The following AKAP13 variants were observed in gnomAD, a reference collection of about 807,000 sequenced individuals.
AKAP13 encodes A-kinase anchor protein 13.
In AKAP13, 80 loss-of-function variants were observed where a neutral mutation model predicts 264.5. The observed-to-expected ratio is 0.30, with a 90% CI of 0.25 to 0.36. The LOEUF is 0.36. Ranked by LOEUF, AKAP13 falls within the 10% of genes least tolerant of loss-of-function variation. The pLI, the probability that AKAP13 is intolerant of heterozygous loss-of-function variation, is 1.00. For missense variants in AKAP13, 3,712 were observed against 3,435.2 expected, an observed-to-expected ratio of 1.08 and a Z score of -2.01; for synonymous variants, 1,380 against 1,250.2, an observed-to-expected ratio of 1.10 and a Z score of -2.19.
chr15:85,749,093 G>C lies in AKAP13; in HGVS notation c.*4416G>C, dbSNP rs8110. 0.56 allele frequency: 84,687 copies of C among 152,188 alleles called. 24,862 individuals carry two copies. The highest frequency in any genetic ancestry group is 0.94 in the East Asian group (4,884 of 5,176). 9.4% of individuals were successfully genotyped at this position (152,188 alleles called of 1,614,324 possible). ...ATACCTCTGCTCTCATTGCTTGTTT[G>C]CAAATGCTCTATGGACATTTGTGTG... On this transcript the variant is annotated 3_prime_UTR_variant, in exon 37 of 37. Coordinates refer to ENST00000394518, the MANE Select transcript of AKAP13 (RefSeq NM_007200.5).
At chr15:85,554,004 C>T (rs773201757) in intron 5 of AKAP13, among the ~76,000 whole-genome samples, 43 of 152,164 alleles carry the variant, frequency 2.8e-4, no homozygotes, top group Middle Eastern at 6.8e-3. Context: ...GTCCTTGGTG[C>T]GAAAAATGCT....
chr15:85,555,401 G>C, intron 5 of AKAP13: 1 of 1,286,154 alleles, frequency 7.8e-7, no homozygotes, highest in South Asian at 1.2e-5. Flanking sequence ...GGGGTAACCA[G>C]GCTGCTTTCC....
intron 8 of AKAP13, among the ~76,000 whole-genome samples, chr15:85,593,459 C>G (rs954601500): frequency 1.3e-5 from 2 of 151,558 alleles, no homozygotes; most frequent in African/African-American, 4.8e-5. Flanking sequence ...ATCTTGAACT[C>G]CTGGGCACAA....
rs181607215 is a variant in AKAP13 at position 85,741,100 on chromosome 15, G to A, written c.7663G>A (p.Glu2555Lys). Reference protein sequence around the residue: ...YIEDQKLVLSERALTRSLSRP... With the variant: ...YIEDQKLVLSKRALTRSLSRP... ...TGAGGACCAGAAACTGGTGCTGAGC[G>A]AGAGGGCGCTCACTCGCAGCTTGTC... The change falls in exon 35 of 37, where the codon GAG becomes AAG. Residue 2555 changes from glutamate to lysine, a missense_variant. Physicochemically the swap from Glu to Lys is moderately conservative, Grantham distance 56. This residue lies in a region of AKAP13 where 611 missense variants were observed against 539.3 expected (regional missense o/e 1.13). Coordinates refer to ENST00000394518, the MANE Select transcript of AKAP13 (RefSeq NM_007200.5). The A allele has an allele frequency of 2.5e-6, 4 of 1,613,596 alleles. No homozygotes were observed. The highest frequency in any genetic ancestry group is 2.2e-5 in the East Asian group (1 of 44,856).
intron 1 of AKAP13, among the ~76,000 whole-genome samples, chr15:85,393,724 T>C (rs1003602083): frequency 2.0e-5 from 3 of 152,244 alleles, no homozygotes; most frequent in African/African-American, 7.2e-5. Context: ...TTAAGTTTGC[T>C]TCTCTCAAGT....
chr15:85,509,821 C>G (rs2076359218), intron 2 of AKAP13, among the ~76,000 whole-genome samples: 1 of 152,174 alleles, frequency 6.6e-6, no homozygotes, highest in African/African-American at 2.4e-5. Context: ...GTCATTATAT[C>G]CAGTGTTTAG....
chr15:85,723,042 T>TA (rs925610785), intron 25 of AKAP13, 30 bp from the exon 26 acceptor site: 5 of 1,601,660 alleles, frequency 3.1e-6, no homozygotes, highest in East Asian at 4.5e-5. Context: ...AAAAGAGCCA[T>TA]AAAAAACAGA....
chr15:85,730,519 T>C lies in AKAP13; in HGVS notation c.7094T>C (p.Leu2365Pro), dbSNP rs111427387. The C allele has an allele frequency of 6.2e-7, 1 of 1,613,716 alleles. No homozygotes were observed. Among genetic ancestry groups the C allele is most frequent in the Non-Finnish European group, 8.5e-7 (1 of 1,179,748 alleles). Residue 2365 changes from leucine to proline, a missense_variant, in exon 30 of 37, where the codon CTT becomes CCT. Around this residue, in one of 3 missense-constraint regions of AKAP13, gnomAD observed 342 missense variants for 484.3 expected, o/e 0.71. Coordinates refer to ENST00000394518, the MANE Select transcript of AKAP13 (RefSeq NM_007200.5). The stretch of plus-strand genomic sequence containing the variant: ...CATTTTCTCCTTCCTGCAGAACAAC[T>C]TCACCAGAAGGACCAAAAAATCCTA... ...DTRARELKEQ[L>P]HQKDQKILLL...
chr15:85,721,893 G>A lies in AKAP13; in HGVS notation c.6253-98G>A, dbSNP rs918641910. On this transcript the variant is annotated intron_variant, in intron 23 of 36. Transcript: ENST00000394518. Reference sequence around the variant, plus strand: ...TTCTTTTGGGAGAATTTATGAGGAAGCGCTCTTGACTTTTACAACTAGACT... The same window carrying A: ...TTCTTTTGGGAGAATTTATGAGGAAACGCTCTTGACTTTTACAACTAGACT... 4.6e-6 allele frequency: 7 copies of A among 1,536,456 alleles called. No homozygotes were observed. In the African/African-American group the frequency reaches 9.7e-5, roughly 21 times the overall value.
intron 1 of AKAP13, chr15:85,381,864 C>G (rs2070296663): frequency 6.6e-6 from 1 of 152,080 alleles, no homozygotes; most frequent in Non-Finnish European, 1.5e-5. Flanking sequence ...TTAGAAGAAG[C>G]ATTTTCTTCA....
At chr15:85,616,971 A>G (rs1410422884) in intron 8 of AKAP13, among the ~76,000 whole-genome samples, 1 of 152,264 alleles carries the variant, frequency 6.6e-6, no homozygotes, top group African/African-American at 2.4e-5. Flanking sequence ...CAGGAAATCT[A>G]GCTTTCCAGC....
At chr15:85,541,087 T>C (rs929901928) in intron 4 of AKAP13, among the ~76,000 whole-genome samples, 11 of 152,268 alleles carry the variant, frequency 7.2e-5, no homozygotes, top group African/African-American at 2.4e-5. Context: ...TATTGGTAAT[T>C]TTCTATATGT....
At chr15:85,619,979 G>T (rs1279576015) in intron 8 of AKAP13, 2 of 1,482,120 alleles carry the variant, frequency 1.3e-6, no homozygotes, top group African/African-American at 2.8e-5. Flanking sequence ...GGAAGGCAGA[G>T]ATCTCCACCA....
chr15:85,562,666 CCTTTTCTTT>C (rs1363467900), intron 5 of AKAP13, among the ~76,000 whole-genome samples: 1 of 137,390 alleles, frequency 7.3e-6, no homozygotes, highest in Non-Finnish European at 1.5e-5. Context: ...ATCCCACTTT[CCTTTTCTTT>C]CTTTTCTTTT....
chr15:85,574,353 T>G (rs1385992948), intron 5 of AKAP13, among the ~76,000 whole-genome samples: 1 of 152,210 alleles, frequency 6.6e-6, no homozygotes, highest in Non-Finnish European at 1.5e-5. Flanking sequence ...CGGGCATGGG[T>G]ATGCCTTCTG....
chr15:85,703,853 A>ATATATAT (rs11368557), intron 17 of AKAP13, among the ~76,000 whole-genome samples: 37 of 142,542 alleles, frequency 2.6e-4, no homozygotes, highest in South Asian at 4.5e-4. Context: ...AAAAAAAAAA[A>ATATATAT]ATATATATAT....
intron 1 of AKAP13, among the ~76,000 whole-genome samples, chr15:85,469,486 G>A (rs1392441024): frequency 1.3e-5 from 2 of 152,090 alleles, no homozygotes; most frequent in African/African-American, 4.8e-5. Context: ...ATAAAGTTTA[G>A]CATTGATCCC....
chr15:85,707,412 T>C (rs1434029635), intron 17 of AKAP13, among the ~76,000 whole-genome samples: 1 of 152,204 alleles, frequency 6.6e-6, no homozygotes, highest in East Asian at 1.9e-4. Flanking sequence ...CAGAGGTGCA[T>C]GTGGGGGTTC....
intron 8 of AKAP13, among the ~76,000 whole-genome samples, chr15:85,601,559 A>G (rs1221927703): frequency 6.7e-6 from 1 of 150,262 alleles, no homozygotes; most frequent in Non-Finnish European, 1.5e-5. Context: ...ATCACATTAA[A>G]CTGCCAATTT....
Sources: allele counts gnomAD v4.1 joint callset (sites outside exome capture counted in the v4.1 genomes callset), GRCh38; gene constraint gnomAD v4.1.1; regional missense constraint gnomAD v4.1.1; transcripts MANE v1.5; gene names NCBI Gene and HGNC (gene_info 2026-07-23, HGNC 2026-07-21).